BBS2: variants seen among roughly 807,000 people sequenced by gnomAD.
BBS2 encodes BBSome complex member BBS2.
In BBS2, 62 loss-of-function variants were observed where a neutral mutation model predicts 83.0. The ratio of observed to expected loss-of-function variants is 0.75; its 90% CI spans 0.61 to 0.92. The LOEUF (loss-of-function observed/expected upper bound fraction) is 0.92, where lower values mean the gene tolerates loss of function less well. BBS2 is among the 40% of genes least tolerant of loss of function. The pLI, the probability that BBS2 is intolerant of heterozygous loss-of-function variation, is 0.00. For missense variants in BBS2, 784 were observed against 901.0 expected (o/e 0.87, Z 1.66); for synonymous variants, 303 against 326.1 (o/e 0.93, Z 0.76).
At chr16:56,482,954 A>G (rs1963686718), downstream of BBS2, among the ~76,000 whole-genome samples, 1 of 151,950 alleles carries the variant, frequency 6.6e-6, no homozygotes, top group African/African-American at 2.4e-5. Flanking sequence ...TTTCCCTCTT[A>G]CTCTCTTCTA....
chr16:56,518,743 A>C (rs1312882314), intron 1 of BBS2, among the ~76,000 whole-genome samples: 1 of 152,180 alleles, frequency 6.6e-6, no homozygotes, highest in Non-Finnish European at 1.5e-5. Flanking sequence ...CAGGGCTCTG[A>C]TTTGCCTTGT....
intron 14 of BBS2, 38 bp from the exon 15 acceptor site, chr16:56,497,117 A>G: frequency 7.5e-7 from 1 of 1,338,420 alleles, no homozygotes; most frequent in South Asian, 1.2e-5. Flanking sequence ...AAAAGGCCTC[A>G]CAAACTTCTT....
At chr16:56,500,320 C>T (rs1964230948) in intron 11 of BBS2, 1 of 265,394 alleles carries the variant, frequency 3.8e-6, no homozygotes, top group Admixed American at 5.1e-5. Flanking sequence ...GATCACCTGA[C>T]TAAAAACAGA....
At chr16:56,487,575 T>C (rs1234947377) in intron 15 of BBS2, among the ~76,000 whole-genome samples, 1 of 152,096 alleles carries the variant, frequency 6.6e-6, no homozygotes, top group Non-Finnish European at 1.5e-5. Context: ...GAGTAAACCA[T>C]GAAAGCACTC....
Position 56,511,845 on chromosome 16 carries a change from T to C in BBS2, c.346-561A>G, listed in dbSNP as rs192378784. Among the ~76,000 whole-genome samples the C allele has an allele frequency of 2.0e-5, 3 of 152,202 alleles. No homozygotes were observed. In the East Asian group the frequency reaches 5.8e-4, roughly 29 times the overall value. Reference sequence around the variant, plus strand: ...AAAGTCCTAACCACTAAAGAAAAAATGTGATCAGCTGGACTTCACAAAAAT... The same window carrying C: ...AAAGTCCTAACCACTAAAGAAAAAACGTGATCAGCTGGACTTCACAAAAAT... On this transcript the variant is annotated intron_variant, in intron 2 of 16. Transcript: ENST00000245157.
rs1242418729 is a variant in BBS2, at chr16:56,519,938, A to G, written c.-76T>C. 6 of 1,301,064 alleles carry G rather than the reference A, an allele frequency of 4.6e-6. No individual in the cohort carries two copies. Among genetic ancestry groups the G allele is most frequent in the African/African-American group, 1.5e-5 (1 of 68,632 alleles). The allele number at this position is 1,301,064 out of a possible 1,614,324, so 80.6% of individuals were successfully genotyped here. On this transcript the variant is annotated 5_prime_UTR_variant, in exon 1 of 17. Coordinates refer to ENST00000245157, the MANE Select transcript of BBS2 (RefSeq NM_031885.5). The stretch of plus-strand genomic sequence containing the variant: ...GGAGCTGGCCTCACGCGCCCGGGCA[A>G]GAAGTGCAGGGACACTACCTGCGCG...
Position 56,499,912 on chromosome 16 carries a change from G to A in BBS2, c.1398-5C>T, listed in dbSNP as rs1393735395. ...TCAAATACATGAAACTGGGTGCTAT[G>A]GCCAATCAATGAAACACAAGAGAAT... On this transcript the variant is annotated splice_polypyrimidine_tract_variant and splice_region_variant and intron_variant, in intron 11 of 16. Coordinates refer to ENST00000245157, the MANE Select transcript of BBS2 (RefSeq NM_031885.5). 2 of 1,613,928 alleles carry A rather than the reference G, an allele frequency of 1.2e-6. No homozygotes were observed. The highest frequency in any genetic ancestry group is 1.7e-6 in the Non-Finnish European group (2 of 1,179,912).
At chr16:56,501,696 C>T (rs1964280537) in intron 9 of BBS2, 199 bp from the exon 10 acceptor site, 4 of 687,990 alleles carry the variant, frequency 5.8e-6, no homozygotes, top group South Asian at 5.6e-5. Flanking sequence ...GGAAAATACC[C>T]TTGCATCTTT....
At chr16:56,506,661 A>T (rs1194481524) in intron 5 of BBS2, among the ~76,000 whole-genome samples, 1 of 152,194 alleles carries the variant, frequency 6.6e-6, no homozygotes, top group Non-Finnish European at 1.5e-5. Context: ...AACAATACAC[A>T]ATTGAATATC....
At chr16:56,477,535 A>G (rs1963536749) in intron 17 of BBS2, 1 of 152,216 alleles carries the variant, frequency 6.6e-6, no homozygotes, top group South Asian at 2.1e-4. Context: ...AGGGTCAACT[A>G]TATAACTAAT....
chr16:56,483,456 T>C (rs1445962043), downstream of BBS2, among the ~76,000 whole-genome samples: 6 of 152,142 alleles, frequency 3.9e-5, no homozygotes, highest in Non-Finnish European at 8.8e-5. Flanking sequence ...TGAACTCAGG[T>C]AGAAAAGTTT....
intron 15 of BBS2, among the ~76,000 whole-genome samples, chr16:56,493,571 A>C (rs1346174846): frequency 1.3e-5 from 2 of 152,130 alleles, no homozygotes; most frequent in Admixed American, 6.6e-5. Flanking sequence ...CAGGAATGGA[A>C]AGTTAGACTT....
At chr16:56,510,746 A>C (rs1401381435) in intron 4 of BBS2, 113 bp downstream of exon 4, 1 of 1,113,926 alleles carries the variant, frequency 9.0e-7, no homozygotes, top group Non-Finnish European at 1.4e-6. Context: ...TTTAGGCAAC[A>C]GAGCACCAAA....
downstream of BBS2, among the ~76,000 whole-genome samples, chr16:56,480,352 C>CAAAAAAAA (rs1286219655): frequency 2.1e-3 from 159 of 76,476 alleles, 3 homozygotes; most frequent in Middle Eastern, 7.0e-3. Context: ...CACACACACA[C>CAAAAAAAA]AAAAAAAAAA....
chr16:56,491,838 C>T (rs778804627), intron 15 of BBS2, among the ~76,000 whole-genome samples: 3 of 149,384 alleles, frequency 2.0e-5, no homozygotes, highest in South Asian at 2.1e-4. Context: ...TATAAAAAGA[C>T]GCCCAATGCC....
intron 17 of BBS2, chr16:56,476,398 CTT>C (rs1248943242): frequency 2.5e-5 from 9 of 359,330 alleles, no homozygotes; most frequent in Admixed American, 4.9e-5. Flanking sequence ...GTACTTATCT[CTT>C]GATTAAAAAA....
At chr16:56,479,637 C>T (rs1963611595), downstream of BBS2, among the ~76,000 whole-genome samples, 1 of 152,200 alleles carries the variant, frequency 6.6e-6, no homozygotes, top group Non-Finnish European at 1.5e-5. Flanking sequence ...AACTACATTT[C>T]CCAGAACTCT....
chr16:56,510,115 G>GCAAAAA (rs1964535731), intron 4 of BBS2, 81 bp from the exon 5 acceptor site: 1 of 1,263,760 alleles, frequency 7.9e-7, no homozygotes, highest in Non-Finnish European at 1.1e-6. Context: ...AAATTGCACA[G>GCAAAAA]TACTTTGCAT....
chr16:56,494,160 G>A (rs1339035162), intron 15 of BBS2, among the ~76,000 whole-genome samples: 2 of 145,032 alleles, frequency 1.4e-5, no homozygotes, highest in Admixed American at 6.9e-5. Context: ...CAGAGACTGG[G>A]TCTCACTATG....
Sources: allele counts gnomAD v4.1 joint callset (sites outside exome capture counted in the v4.1 genomes callset), GRCh38; gene constraint gnomAD v4.1.1; transcripts MANE v1.5; gene names NCBI Gene and HGNC (gene_info 2026-07-23, HGNC 2026-07-21).